Variants in PPARGC1A observed in about 807,000 individuals in gnomAD.
PPARGC1A encodes peroxisome proliferator-activated receptor gamma coactivator 1-alpha.
Under a neutral mutation model 88.7 loss-of-function variants are expected in PPARGC1A, and 25 were observed. That is an observed-to-expected ratio of 0.28 (90% CI 0.21 to 0.39). The LOEUF is 0.39. Ranked by LOEUF, PPARGC1A falls within the 10% of genes least tolerant of loss-of-function variation. The pLI is 1.00. For missense variants in PPARGC1A, 880 were observed against 968.7 expected (o/e 0.91, Z 1.22); for synonymous variants, 363 against 355.6 (o/e 1.02, Z -0.24).
chr4:23,879,167 G>A (rs908981885), intron 2 of PPARGC1A, among the ~76,000 whole-genome samples: 4 of 152,196 alleles, frequency 2.6e-5, no homozygotes, highest in Non-Finnish European at 5.9e-5. Context: ...ATTAAATTAA[G>A]GTGAGGTTGT....
the PPARGC1A span, among the ~76,000 whole-genome samples, chr4:24,472,883 A>G: frequency 2.7e-5 from 4 of 148,270 alleles, no homozygotes; most frequent in East Asian, 6.1e-4. This position sits in a 1 kb window ranked among gnomAD's most constrained non-coding sequence, Gnocchi z 4.5. Context: ...GCGCAGAGGC[A>G]GCGCGAGCGG....
At chr4:24,014,128 A>G in the PPARGC1A span, among the ~76,000 whole-genome samples, 1 of 152,202 alleles carries the variant, frequency 6.6e-6, no homozygotes, top group African/African-American at 2.4e-5. Flanking sequence ...CAACCTAAAT[A>G]CTTTTGTCAT....
chr4:24,171,332 G>A, the PPARGC1A span, among the ~76,000 whole-genome samples: 1 of 152,030 alleles, frequency 6.6e-6, no homozygotes, highest in Non-Finnish European at 1.5e-5. Flanking sequence ...CTTGAACCCA[G>A]GAGGCAGAGG....
chr4:24,073,859 G>C, the PPARGC1A span, among the ~76,000 whole-genome samples: 1 of 152,150 alleles, frequency 6.6e-6, no homozygotes, highest in African/African-American at 2.4e-5. Flanking sequence ...TTAACCAGCT[G>C]TGTGTCTCAG....
the PPARGC1A span, among the ~76,000 whole-genome samples, chr4:24,396,473 TC>T: frequency 3.4e-3 from 516 of 152,146 alleles, 5 homozygotes; most frequent in African/African-American, 0.012. Flanking sequence ...GTGGGTGACC[TC>T]CCTGGGCAGA....
At chr4:23,998,847 T>C in the PPARGC1A span, among the ~76,000 whole-genome samples, 1 of 152,228 alleles carries the variant, frequency 6.6e-6, no homozygotes, top group African/African-American at 2.4e-5. Context: ...GTGAGTGGCC[T>C]ATATTTGAAC....
At chr4:23,946,885 G>T in the PPARGC1A span, among the ~76,000 whole-genome samples, 2 of 151,734 alleles carry the variant, frequency 1.3e-5, no homozygotes, top group Admixed American at 1.3e-4. Context: ...TACAAAGATG[G>T]TATTTTTTAA....
the PPARGC1A span, among the ~76,000 whole-genome samples, chr4:24,044,040 G>T: frequency 1.3e-5 from 2 of 152,182 alleles, no homozygotes; most frequent in East Asian, 3.9e-4. Flanking sequence ...ATAAGTGTAC[G>T]CTGGCTTTCA....
the PPARGC1A span, among the ~76,000 whole-genome samples, chr4:24,230,947 T>A: frequency 9.7e-6 from 1 of 103,514 alleles, no homozygotes; most frequent in Admixed American, 8.9e-5. Context: ...TCACAGAATT[T>A]ATTAAAAAAA....
the PPARGC1A span, among the ~76,000 whole-genome samples, chr4:24,341,913 T>C: frequency 6.6e-6 from 1 of 152,132 alleles, no homozygotes; most frequent in African/African-American, 2.4e-5. Flanking sequence ...TGGAGTTCAG[T>C]GAACAAGCAG....
At chr4:23,910,394 T>TTA in the PPARGC1A span, among the ~76,000 whole-genome samples, 2 of 112,190 alleles carry the variant, frequency 1.8e-5, no homozygotes, top group East Asian at 2.1e-4. Flanking sequence ...ATTATATATA[T>TTA]TATATATATA....
At chr4:24,357,829 C>A in the PPARGC1A span, among the ~76,000 whole-genome samples, 1 of 152,212 alleles carries the variant, frequency 6.6e-6, no homozygotes, top group Non-Finnish European at 1.5e-5. Flanking sequence ...CCACATAAGA[C>A]ATGTCTTTTG....
At chr4:23,873,197 C>CAAAAAAAAAAAAAAAAAAAAAA (rs1381885920) in intron 2 of PPARGC1A, among the ~76,000 whole-genome samples, 1 of 74,828 alleles carries the variant, frequency 1.3e-5, no homozygotes. Context: ...GACTCCGTCT[C>CAAAAAAAAAAAAAAAAAAAAAA]AAAAATAAAA....
the PPARGC1A span, among the ~76,000 whole-genome samples, chr4:24,171,324 T>C: frequency 2.0e-5 from 3 of 152,004 alleles, no homozygotes; most frequent in Non-Finnish European, 4.4e-5. Context: ...GAGAATCCCT[T>C]GAACCCAGGA....
the PPARGC1A span, among the ~76,000 whole-genome samples, chr4:23,986,938 T>C: frequency 6.6e-6 from 1 of 152,114 alleles, no homozygotes; most frequent in Non-Finnish European, 1.5e-5. Context: ...AATTCTCCTA[T>C]ATAACCTGGC....
chr4:23,812,739 C>A lies in PPARGC1A; in HGVS notation c.2019+8G>T, dbSNP rs768749169. ...CTTTAAAATAAAAGTGAGCTCCAGG[C>A]CACTTACAATTGCCTTCTGCCTCTG... On this transcript the variant is annotated splice_region_variant and intron_variant, in intron 10 of 12. Transcript: ENST00000264867. 1.5e-5 allele frequency: 25 copies of A among 1,613,746 alleles called. No individual in the cohort carries two copies. The highest frequency in any genetic ancestry group is 1.9e-5 in the Non-Finnish European group (22 of 1,179,924).
the PPARGC1A span, among the ~76,000 whole-genome samples, chr4:24,339,550 G>A: frequency 7.2e-5 from 11 of 151,860 alleles, no homozygotes; most frequent in Middle Eastern, 3.2e-3. Flanking sequence ...TGTTCCCTGC[G>A]CTCAATTAAT....
At chr4:24,033,703 G>A in the PPARGC1A span, among the ~76,000 whole-genome samples, 1 of 152,142 alleles carries the variant, frequency 6.6e-6, no homozygotes, top group African/African-American at 2.4e-5. Flanking sequence ...TCGAGTGGAT[G>A]ATAGAGGGAA....
chr4:23,967,106 A>G, the PPARGC1A span, among the ~76,000 whole-genome samples: 1 of 152,320 alleles, frequency 6.6e-6, no homozygotes, highest in Middle Eastern at 3.4e-3. Flanking sequence ...TGAATCCTAT[A>G]GCACCCTATT....
Sources: gnomAD v4.1 joint callset for allele counts (sites outside exome capture counted in the v4.1 genomes callset) on GRCh38, gnomAD v4.1.1 for gene constraint, Gnocchi (gnomAD v3.1) non-coding constraint, MANE v1.5 for transcripts, NCBI Gene and HGNC (gene_info 2026-07-23, HGNC 2026-07-21) for gene names.